DARS2: variants seen among roughly 807,000 people sequenced by gnomAD.
DARS2 encodes the protein aspartyl-tRNA synthetase 2, mitochondrial.
In DARS2, 63 loss-of-function variants were observed where a neutral mutation model predicts 83.0. The ratio of observed to expected loss-of-function variants is 0.76; its 90% CI spans 0.62 to 0.94. DARS2 has a LOEUF of 0.94. Ranked by LOEUF, DARS2 falls within the 40% of genes least tolerant of loss-of-function variation. The pLI is 0.00. For synonymous variants in DARS2, 250 were observed against 269.3 expected (o/e 0.93, Z 0.70); for missense variants, 675 against 774.4 (o/e 0.87, Z 1.52).
rs1653916702 is a variant in DARS2 at position 173,857,934 on chromosome 1, T to C, written c.*229T>C. 1.8e-6 allele frequency: 1 copy of C among 543,538 alleles called. No individual in the cohort carries two copies. Among genetic ancestry groups the C allele is most frequent in the Admixed American group, 3.1e-5 (1 of 32,334 alleles). 33.7% of individuals were successfully genotyped at this position (543,538 alleles called of 1,614,324 possible). A position where few individuals can be genotyped will look rare whatever the true frequency, so the allele number is the denominator to read the frequency against. ...TTTTGGTTAGGACTTTTTTTGAAGT[T>C]CCTTTTTACTTAGGTGTGAAAGATG... On this transcript the variant is annotated 3_prime_UTR_variant, in exon 17 of 17. Coordinates refer to ENST00000649689, the MANE Select transcript of DARS2 (RefSeq NM_018122.5).
At position 173,840,955 on chromosome 1, in the gene DARS2, A is replaced by G. The variant is rs1409424953; in HGVS notation, c.1110A>G (p.Ile370Met). The change falls in exon 11 of 17, where the codon ATA becomes ATG. Residue 370 changes from isoleucine to methionine, a missense_variant. Ile to Met is a conservative substitution (Grantham distance 10). Coordinates refer to ENST00000649689, the MANE Select transcript of DARS2 (RefSeq NM_018122.5). ...AGCCCCATGGAACTGTGAAAGCCAT[A>G]TGTATCCCTGAAGGAGCAGTAAGTG... ...LSKPHGTVKA[I>M]CIPEGAKYLK... 6.2e-7 allele frequency: 1 copy of G among 1,604,764 alleles called. No individual in the cohort carries two copies. The highest frequency in any genetic ancestry group is 8.5e-7 in the Non-Finnish European group (1 of 1,171,462).
chr1:173,835,643 C>G (rs1294514434), intron 7 of DARS2, among the ~76,000 whole-genome samples: 1 of 152,074 alleles, frequency 6.6e-6, no homozygotes, highest in Non-Finnish European at 1.5e-5. Context: ...CACAGTGGCT[C>G]ACACCTGTAA....
chr1:173,829,456 G>A (rs1652711701), intron 3 of DARS2, among the ~76,000 whole-genome samples: 1 of 151,926 alleles, frequency 6.6e-6, no homozygotes, highest in South Asian at 2.1e-4. Flanking sequence ...ATATGACAGA[G>A]TGATATTCTG....
At chr1:173,844,599 G>A (rs1386729897) in intron 11 of DARS2, among the ~76,000 whole-genome samples, 1 of 140,136 alleles carries the variant, frequency 7.1e-6, no homozygotes, top group Non-Finnish European at 1.5e-5. Context: ...GAACCTGGGA[G>A]GTGGAGGTTT....
chr1:173,843,243 T>C (rs1183538768), intron 11 of DARS2, among the ~76,000 whole-genome samples: 5 of 152,186 alleles, frequency 3.3e-5, no homozygotes, highest in Admixed American at 3.3e-4. Flanking sequence ...AAATTTTTTC[T>C]TAGGTTCACA....
Position 173,837,027 on chromosome 1 carries a change from A to G in DARS2, c.751A>G (p.Met251Val). 1 of 1,613,894 alleles carries G rather than the reference A, an allele frequency of 6.2e-7. No individual in the cohort carries two copies. Among genetic ancestry groups the G allele is most frequent in the Non-Finnish European group, 8.5e-7 (1 of 1,179,894 alleles). ...QSPQQFKQLL[M>V]VGGLDRYFQV... Reference sequence around the variant, plus strand: ...TCCTCAACAGTTTAAGCAACTTCTGATGGTTGGCGGTTTAGACAGGTGAGC... The same window carrying G: ...TCCTCAACAGTTTAAGCAACTTCTGGTGGTTGGCGGTTTAGACAGGTGAGC... The change falls in exon 8 of 17, where the codon ATG becomes GTG. Residue 251 changes from methionine to valine, a missense_variant. Physicochemically the swap from Met to Val is conservative, Grantham distance 21. Transcript: ENST00000649689.
intron 2 of DARS2, among the ~76,000 whole-genome samples, chr1:173,827,953 A>G (rs1652646800): frequency 6.6e-6 from 1 of 152,160 alleles, no homozygotes; most frequent in Admixed American, 6.5e-5. Flanking sequence ...ATTTTACTAT[A>G]TGCAAAGTTT....
Position 173,837,017 on chromosome 1 carries a change from G to A in DARS2, c.741G>A (p.Lys247=). The A allele has an allele frequency of 1.2e-6, 2 of 1,613,952 alleles. No homozygotes were observed. The highest frequency in any genetic ancestry group is 3.3e-4 in the Middle Eastern group (2 of 6,058). The change falls in exon 8 of 17, where the codon AAG becomes AAA. Residue 247 remains lysine (K), a synonymous_variant. Coordinates refer to ENST00000649689, the MANE Select transcript of DARS2 (RefSeq NM_018122.5). ...TCCCTCAGAGTCCTCAACAGTTTAA[G>A]CAACTTCTGATGGTTGGCGGTTTAG... ...YSLPQSPQQF[K]QLLMVGGLDR... is the part of the protein sequence containing the mutation.
In DARS2 at chr1:173,853,821, T is replaced by G; in HGVS notation, c.1590T>G (p.Val530=). 1 of 1,614,156 alleles carries G rather than the reference T, an allele frequency of 6.2e-7. No homozygotes were observed. The highest frequency in any genetic ancestry group is 8.5e-7 in the Non-Finnish European group (1 of 1,180,024). The change falls in exon 15 of 17, where the codon GTT becomes GTG. Residue 530 remains valine, a synonymous_variant. Transcript: ENST00000649689. Reference sequence around the variant, plus strand: ...CCCGTAGCCAACACTATGACTTGGTTTTAAATGGCAATGAAATAGGAGGTG... The same window carrying G: ...CCCGTAGCCAACACTATGACTTGGTGTTAAATGGCAATGAAATAGGAGGTG... The part of the protein sequence containing the change: ...KKARSQHYDL[V]LNGNEIGGGS...
intron 1 of DARS2, among the ~76,000 whole-genome samples, chr1:173,825,594 G>T (rs1038597188): frequency 6.6e-6 from 1 of 151,484 alleles, no homozygotes; most frequent in Non-Finnish European, 1.5e-5. Context: ...TCAGCCTCCC[G>T]AGTAGCTGGG....
At chr1:173,850,596 T>C in intron 13 of DARS2, 117 bp downstream of exon 13, 1 of 1,027,144 alleles carries the variant, frequency 9.7e-7, no homozygotes, top group Non-Finnish European at 1.4e-6. Context: ...GGAGCTGCTC[T>C]GCATAAATCT....
rs749138428 is a variant in DARS2 at position 173,826,794 on chromosome 1, G to A, written c.227+8G>A. 6.3e-7 allele frequency: 1 copy of A among 1,592,784 alleles called. No individual in the cohort carries two copies. Among genetic ancestry groups the A allele is most frequent in the East Asian group, 2.2e-5 (1 of 44,676 alleles). ...ATGGATTCAGTACCGAAGGTAAATT[G>A]AGAAAGACAGTCTAAGAATGCATGG... On this transcript the variant is annotated splice_region_variant and intron_variant, in intron 2 of 16. Coordinates refer to ENST00000649689, the MANE Select transcript of DARS2 (RefSeq NM_018122.5).
intron 12 of DARS2, 30 bp from the exon 13 acceptor site, chr1:173,850,297 A>G: frequency 6.3e-7 from 1 of 1,577,624 alleles, no homozygotes; most frequent in Non-Finnish European, 8.6e-7. Context: ...AAAAAAAAAA[A>G]ACGTGAATAA....
chr1:173,852,917 T>C (rs1653726604), intron 13 of DARS2, among the ~76,000 whole-genome samples: 1 of 151,988 alleles, frequency 6.6e-6, no homozygotes, highest in African/African-American at 2.4e-5. Flanking sequence ...TCAAGAGAAG[T>C]GAGGAAATAA....
chr1:173,857,656 A>G lies in DARS2; in HGVS notation c.1889A>G (p.His630Arg). Reference sequence around the variant, plus strand: ...CCTCCTGAGGAACTGAAGCCCTATCATATCCGAGTCTCCAAGCCAACAGAC... The same window carrying G: ...CCTCCTGAGGAACTGAAGCCCTATCGTATCCGAGTCTCCAAGCCAACAGAC... ...SVPPEELKPY[H>R]IRVSKPTDSK... The change falls in exon 17 of 17, where the codon CAT becomes CGT. Residue 630 changes from histidine to arginine, a missense_variant. Physicochemically the swap from His to Arg is conservative, Grantham distance 29. Coordinates refer to ENST00000649689, the MANE Select transcript of DARS2 (RefSeq NM_018122.5). 1 of 1,614,100 alleles carries G rather than the reference A, an allele frequency of 6.2e-7. No individual in the cohort carries two copies. The highest frequency in any genetic ancestry group is 8.5e-7 in the Non-Finnish European group (1 of 1,179,994).
chr1:173,833,270 A>C (rs1180890704), intron 5 of DARS2, 106 bp from the exon 6 acceptor site: 5 of 997,486 alleles, frequency 5.0e-6, no homozygotes, highest in African/African-American at 1.6e-5. Context: ...TAATGATAGA[A>C]ACTAAAGACA....
At chr1:173,843,396 TA>T (rs1653306466) in intron 11 of DARS2, among the ~76,000 whole-genome samples, 1 of 152,016 alleles carries the variant, frequency 6.6e-6, no homozygotes, top group African/African-American at 2.4e-5. Context: ...ACGTCTGTAC[TA>T]AAAATGTAAA....
chr1:173,851,747 T>G, intron 13 of DARS2: 4 of 735,860 alleles, frequency 5.4e-6, no homozygotes, highest in Non-Finnish European at 6.6e-6. Context: ...TAGTATATAG[T>G]TTTTTCAAAA....
intron 11 of DARS2, among the ~76,000 whole-genome samples, chr1:173,841,865 G>T (rs1173807399): frequency 1.3e-5 from 2 of 152,174 alleles, no homozygotes; most frequent in Non-Finnish European, 2.9e-5. Flanking sequence ...TAATATGTGA[G>T]CATAAAATAA....
Sources: allele counts gnomAD v4.1 joint callset (sites outside exome capture counted in the v4.1 genomes callset), GRCh38; gene constraint gnomAD v4.1.1; transcripts MANE v1.5; gene names NCBI Gene and HGNC (gene_info 2026-07-23, HGNC 2026-07-21).